GATA3: variants seen among roughly 807,000 people sequenced by gnomAD.
GATA3 encodes the protein trans-acting T-cell-specific transcription factor GATA-3.
GATA3 carries 6 observed loss-of-function variants against 36.0 expected under a neutral mutation model. The ratio of observed to expected loss-of-function variants is 0.17; its 90% confidence interval spans 0.09 to 0.33. GATA3 has a LOEUF of 0.33. GATA3 is among the 10% of genes least tolerant of loss of function. The probability of loss-of-function intolerance (pLI) is 1.00; values close to 1 mark genes in which losing one functional copy is unlikely to be tolerated. For missense variants in GATA3, 514 were observed against 610.1 expected (o/e 0.84, Z 1.66); for synonymous variants, 326 against 273.0 (o/e 1.19, Z -1.92).
chr10:8,052,078 G>C (rs1390039915), upstream of GATA3, among the ~76,000 whole-genome samples: 1 of 152,196 alleles, frequency 6.6e-6, no homozygotes, highest in Non-Finnish European at 1.5e-5. Flanking sequence ...CATCAAAAGA[G>C]CAACGTCCTC....
chr10:8,059,181 G>C (rs1464677434), intron 3 of GATA3, among the ~76,000 whole-genome samples: 3 of 152,218 alleles, frequency 2.0e-5, no homozygotes, highest in Non-Finnish European at 4.4e-5. Flanking sequence ...AGACCAAATG[G>C]AAGGCCGAGG....
rs35566387 is a variant in GATA3, at chr10:8,063,911, G to A, written c.779-82G>A. 12 of 1,597,104 alleles carry A rather than the reference G, an allele frequency of 7.5e-6. No individual in the cohort carries two copies. In the East Asian group the frequency reaches 1.1e-4, roughly 15 times the overall value. On this transcript the variant is annotated intron_variant, in intron 3 of 5. Coordinates refer to ENST00000379328, the MANE Select transcript of GATA3 (RefSeq NM_001002295.2). ...GAAGGAAAAAAGTTCTCCATTTTAC[G>A]TTTCTCCCCCAGTTCCAAATGCTGT...
rs1832866523 is a variant in GATA3 at position 8,067,681 on chromosome 10, G to GTA, written c.925-1792_925-1791insTA. ...AAAAATACAAAAAATTAGCTGGGGC[G>GTA]GTGGCGGGCGCCTGTAGTCCCAGCT... On this transcript the variant is annotated intron_variant, in intron 4 of 5. Coordinates refer to ENST00000379328, the MANE Select transcript of GATA3 (RefSeq NM_001002295.2). 3.5e-5 allele frequency among the ~76,000 whole-genome samples: 5 copies of GTA among 143,618 alleles called. No individual in the cohort carries two copies. In the East Asian group the frequency reaches 6.1e-4, roughly 18 times the overall value. 94.2% of individuals were successfully genotyped at this position (143,618 alleles called of 152,430 possible).
Position 8,055,513 on chromosome 10 carries a change from TCCCATCCC to T in GATA3, c.-138_-131del. 1.1e-6 allele frequency: 1 copy of T among 909,122 alleles called. No homozygotes were observed. The highest frequency in any genetic ancestry group is 1.6e-6 in the Non-Finnish European group (1 of 607,108). 56.3% of individuals were successfully genotyped at this position (909,122 alleles called of 1,614,324 possible). A position where few individuals can be genotyped will look rare whatever the true frequency, so the allele number is the denominator to read the frequency against. On this transcript the variant is annotated 5_prime_UTR_variant, in exon 2 of 6. Coordinates refer to ENST00000379328, the MANE Select transcript of GATA3 (RefSeq NM_001002295.2). This position sits in a 1 kb window ranked among gnomAD's most constrained non-coding sequence, Gnocchi z 5.4. Reference sequence around the variant, plus strand: ...TTTGCTCACCTTTGCTTCCCAGCCTTCCCATCCCCCCACCGAAAGCAAATCATTCAACG... The same window carrying T: ...TTTGCTCACCTTTGCTTCCCAGCCTTCCCACCGAAAGCAAATCATTCAACG...
Position 8,062,341 on chromosome 10 carries a change from A to T in GATA3, c.779-1652A>T, listed in dbSNP as rs933707144. On this transcript the variant is annotated intron_variant, in intron 3 of 5. Coordinates refer to ENST00000379328, the MANE Select transcript of GATA3 (RefSeq NM_001002295.2). ...TCTTTTGGAATGTGGAGCAAAAAAA[A>T]AAACCTCTCTTACATCCTCATTTTT... is the stretch of plus-strand genomic sequence containing the variant. Among the ~76,000 whole-genome samples, 760 of 150,822 alleles carry T rather than the reference A, an allele frequency of 5.0e-3. 8 individuals are homozygous for T. Among genetic ancestry groups the T allele is most frequent in the Admixed American group, 0.025 (375 of 15,104 alleles).
At chr10:8,061,053 G>T (rs1373630991) in intron 3 of GATA3, among the ~76,000 whole-genome samples, 1 of 129,504 alleles carries the variant, frequency 7.7e-6, no homozygotes, top group Non-Finnish European at 1.7e-5. Flanking sequence ...GGATTCTCTT[G>T]GTTTTAGTGG....
At chr10:8,059,029 G>A (rs879308573) in intron 3 of GATA3, among the ~76,000 whole-genome samples, 188 bp downstream of exon 3, 18 of 152,158 alleles carry the variant, frequency 1.2e-4, no homozygotes, top group Admixed American at 7.8e-4. Flanking sequence ...GCCTGGCCTC[G>A]GAAGCAGAGG....
intron 5 of GATA3, among the ~76,000 whole-genome samples, chr10:8,070,204 T>TG (rs1832909645): frequency 6.6e-6 from 1 of 152,208 alleles, no homozygotes; most frequent in South Asian, 2.1e-4. Flanking sequence ...CTGAGGAAGG[T>TG]GGCTGGCCTG....
At chr10:8,058,985 G>C in intron 3 of GATA3, 144 bp downstream of exon 3, 1 of 756,824 alleles carries the variant, frequency 1.3e-6, no homozygotes, top group Non-Finnish European at 2.1e-6. Flanking sequence ...CTTCCTGCCG[G>C]GAAGGCACTG....
chr10:8,072,501 A>G lies in GATA3; in HGVS notation c.1051-1238A>G, dbSNP rs953693818. 2.0e-5 allele frequency among the ~76,000 whole-genome samples: 3 copies of G among 152,248 alleles called. No individual in the cohort carries two copies. In the South Asian group the frequency reaches 6.2e-4, roughly 32 times the overall value. On this transcript the variant is annotated intron_variant, in intron 5 of 5. Transcript: ENST00000379328. ...AATCTGCTTCTGCCTCCCTGTGGGG[A>G]GTAACTTCTGTTTACTTTGTAAAGT... is the stretch of plus-strand genomic sequence containing the variant.
At chr10:8,065,700 G>GTTTTT (rs748515966) in intron 4 of GATA3, among the ~76,000 whole-genome samples, 134 of 62,242 alleles carry the variant, frequency 2.2e-3, no homozygotes, top group Non-Finnish European at 2.5e-3. Flanking sequence ...CAGCAGTTTG[G>GTTTTT]TTTTTTTTTT....
At chr10:8,073,305 G>A (rs1030632150) in intron 5 of GATA3, among the ~76,000 whole-genome samples, 1 of 152,132 alleles carries the variant, frequency 6.6e-6, no homozygotes, top group Non-Finnish European at 1.5e-5. Flanking sequence ...GAACAGTACA[G>A]TCCTCATTTC....
In GATA3 at chr10:8,074,140, G is replaced by T; in HGVS notation, c.*117G>T. 1.6e-6 allele frequency: 2 copies of T among 1,216,250 alleles called. No homozygotes were observed. The highest frequency in any genetic ancestry group is 2.3e-6 in the Non-Finnish European group (2 of 882,868). The allele number at this position is 1,216,250 out of a possible 1,614,324, so 75.3% of individuals were successfully genotyped here. On this transcript the variant is annotated 3_prime_UTR_variant, in exon 6 of 6. Coordinates refer to ENST00000379328, the MANE Select transcript of GATA3 (RefSeq NM_001002295.2). ...ACGCGATGGATATATGTTTTTGAAG[G>T]CAGAAAGCAAAATTATGTTTGCCAC...
chr10:8,050,409 C>T (rs768211279), upstream of GATA3: 1 of 152,430 alleles, frequency 6.6e-6, no homozygotes, highest in Non-Finnish European at 1.5e-5. Flanking sequence ...GGCCTCGACA[C>T]CTTTGGCCTC....
At chr10:8,059,604 G>A (rs562869082) in intron 3 of GATA3, among the ~76,000 whole-genome samples, 1 of 152,164 alleles carries the variant, frequency 6.6e-6, no homozygotes, top group Non-Finnish European at 1.5e-5. Context: ...AGAAAGGAAC[G>A]GAAAAGTGCT....
At chr10:8,053,427 A>G (rs1045918606), upstream of GATA3, 34 of 152,118 alleles carry the variant, frequency 2.2e-4, no homozygotes, top group African/African-American at 8.2e-4. The surrounding 1 kb of genome is among the most constrained non-coding windows in gnomAD (Gnocchi z 5.1). Context: ...CCCGAGCAGC[A>G]TTTTCGGGCC....
At chr10:8,050,097 A>G (rs1341073010), upstream of GATA3, among the ~76,000 whole-genome samples, 11 of 152,158 alleles carry the variant, frequency 7.2e-5, no homozygotes, top group South Asian at 2.1e-4. Context: ...CCCACACCGA[A>G]GGCAAAGCAA....
upstream of GATA3, among the ~76,000 whole-genome samples, chr10:8,049,344 C>T (rs186440159): frequency 6.8e-4 from 103 of 152,368 alleles, 1 homozygote; most frequent in African/African-American, 2.3e-3. Context: ...GTTCCCTGCT[C>T]TCTGGGTTTT....
chr10:8,058,944 C>T (rs1447423787), intron 3 of GATA3, 103 bp downstream of exon 3: 2 of 1,074,316 alleles, frequency 1.9e-6, no homozygotes, highest in East Asian at 2.5e-5. Context: ...CGGGGTGTCC[C>T]AAAGCCTGCT....
Sources: allele counts gnomAD v4.1 joint callset (sites outside exome capture counted in the v4.1 genomes callset), GRCh38; gene constraint gnomAD v4.1.1; non-coding constraint Gnocchi (gnomAD v3.1); transcripts MANE v1.5; gene names NCBI Gene and HGNC (gene_info 2026-07-23, HGNC 2026-07-21).